CDK14: variants seen among roughly 807,000 people sequenced by gnomAD.
CDK14 encodes cyclin-dependent kinase 14.
A neutral mutation model predicts 60.7 loss-of-function variants in CDK14; 34 were observed. The observed-to-expected ratio is 0.56, with a 90% CI of 0.43 to 0.75. The LOEUF (loss-of-function observed/expected upper bound fraction) is 0.75. Among genes scored for constraint, CDK14 ranks in the 30% least tolerant of loss-of-function variants. The probability of loss-of-function intolerance (pLI) is 0.00; values close to 1 mark genes in which losing one functional copy is unlikely to be tolerated. For missense variants in CDK14, 482 were observed against 564.1 expected (o/e 0.85, Z 1.47); for synonymous variants, 197 against 203.7 (o/e 0.97, Z 0.28).
intron 10 of CDK14, among the ~76,000 whole-genome samples, chr7:91,003,881 G>A (rs144756042): frequency 6.4e-4 from 98 of 152,184 alleles, no homozygotes; most frequent in African/African-American, 2.2e-3. Context: ...TGCCCAGGGT[G>A]GTTATTTTAA....
intron 10 of CDK14, among the ~76,000 whole-genome samples, chr7:91,008,146 C>CAAAAAAAAA (rs1394465227): frequency 1.2e-5 from 1 of 84,122 alleles, no homozygotes; most frequent in Non-Finnish European, 2.7e-5. Context: ...AAAAAAAAAA[C>CAAAAAAAAA]AAACAAAAAA....
At chr7:90,656,355 A>G (rs1407117854) in intron 2 of CDK14, among the ~76,000 whole-genome samples, 1 of 150,728 alleles carries the variant, frequency 6.6e-6, no homozygotes, top group Non-Finnish European at 1.5e-5. Flanking sequence ...ATTAGAGTGG[A>G]CTGGTGCTTC....
intron 13 of CDK14, among the ~76,000 whole-genome samples, chr7:91,115,236 G>A (rs1441224205): frequency 6.6e-6 from 1 of 152,140 alleles, no homozygotes; most frequent in African/African-American, 2.4e-5. Flanking sequence ...ACCTTAGACT[G>A]GGTGGCTTAA....
At chr7:90,909,874 T>C (rs1262505064) in intron 7 of CDK14, among the ~76,000 whole-genome samples, 3 of 152,178 alleles carry the variant, frequency 2.0e-5, no homozygotes, top group Non-Finnish European at 4.4e-5. Flanking sequence ...TGACAAAGCA[T>C]GTTACTTATG....
chr7:90,883,128 A>T (rs1227388557), intron 6 of CDK14, among the ~76,000 whole-genome samples: 1 of 151,912 alleles, frequency 6.6e-6, no homozygotes, highest in Non-Finnish European at 1.5e-5. Flanking sequence ...CACATAAAAA[A>T]AAAACTCCAA....
rs201681733 is a variant in CDK14, at chr7:91,008,142, A to AC, written c.1041+23901_1041+23902insC. On this transcript the variant is annotated intron_variant, in intron 10 of 14. Transcript: ENST00000380050. ...GGGAGAAGGCCAAAAAAAAAAAAAA[A>AC]AAACAAACAAAAAAAAACAGTGGAT... Among the ~76,000 whole-genome samples, 90 of 141,404 alleles carry AC rather than the reference A, an allele frequency of 6.4e-4. 1 individual carries two copies. The highest frequency in any genetic ancestry group is 2.0e-3 in the Admixed American group (28 of 13,980). The allele number at this position is 141,404 out of a possible 152,430, so 92.8% of individuals were successfully genotyped here. A position where few individuals can be genotyped will look rare whatever the true frequency, so the allele number is the denominator to read the frequency against.
intron 1 of CDK14, among the ~76,000 whole-genome samples, chr7:90,598,158 A>G (rs1405433312): frequency 1.3e-5 from 2 of 152,200 alleles, no homozygotes; most frequent in African/African-American, 4.8e-5. Context: ...TTAACTATAT[A>G]TTTACTAATG....
chr7:91,193,123 T>C (rs1359922165), intron 14 of CDK14, among the ~76,000 whole-genome samples: 1 of 152,226 alleles, frequency 6.6e-6, no homozygotes, highest in African/African-American at 2.4e-5. Flanking sequence ...TTCAAGCATT[T>C]AACTTTCTTG....
intron 14 of CDK14, among the ~76,000 whole-genome samples, chr7:91,158,916 T>C (rs1051143838): frequency 1.2e-4 from 19 of 152,194 alleles, no homozygotes; most frequent in Non-Finnish European, 2.8e-4. Context: ...ATTTCAATAA[T>C]GTGCTTTTAC....
intron 12 of CDK14, among the ~76,000 whole-genome samples, chr7:91,095,706 A>G (rs1036170197): frequency 3.9e-5 from 6 of 152,126 alleles, no homozygotes; most frequent in Non-Finnish European, 8.8e-5. Flanking sequence ...AATTCTCCCT[A>G]TGTTTCCTGG....
At chr7:90,750,870 C>G (rs1302797627) in intron 4 of CDK14, among the ~76,000 whole-genome samples, 1 of 149,742 alleles carries the variant, frequency 6.7e-6, no homozygotes, top group Non-Finnish European at 1.5e-5. Flanking sequence ...GAGACTGTCT[C>G]CAAAAAAAAA....
intron 3 of CDK14, among the ~76,000 whole-genome samples, chr7:90,738,817 T>C (rs1159811892): frequency 1.3e-5 from 2 of 152,156 alleles, no homozygotes; most frequent in Non-Finnish European, 2.9e-5. Context: ...TTAAATGTGA[T>C]GATTTAATAA....
At chr7:90,684,200 T>G (rs1349878757) in intron 2 of CDK14, among the ~76,000 whole-genome samples, 2 of 152,224 alleles carry the variant, frequency 1.3e-5, no homozygotes, top group African/African-American at 4.8e-5. Flanking sequence ...AGTTTAGAGT[T>G]ATTTATAGTT....
chr7:90,874,785 C>T (rs1407254664), intron 6 of CDK14, among the ~76,000 whole-genome samples: 1 of 151,668 alleles, frequency 6.6e-6, no homozygotes, highest in Non-Finnish European at 1.5e-5. Flanking sequence ...GCCTCGGCCT[C>T]CCAAAGTGCT....
intron 2 of CDK14, among the ~76,000 whole-genome samples, chr7:90,634,600 C>T (rs1178756547): frequency 6.6e-6 from 1 of 152,042 alleles, no homozygotes; most frequent in African/African-American, 2.4e-5. Flanking sequence ...CATACGTGTG[C>T]ATGTGTCTTT....
chr7:91,152,688 G>A (rs963065808), intron 14 of CDK14, among the ~76,000 whole-genome samples: 8 of 152,182 alleles, frequency 5.3e-5, no homozygotes, highest in African/African-American at 1.9e-4. Flanking sequence ...TGACAAATGA[G>A]CAAGAGAGAC....
chr7:90,646,768 G>C (rs182946104), intron 2 of CDK14, among the ~76,000 whole-genome samples: 105 of 152,222 alleles, frequency 6.9e-4, no homozygotes, highest in African/African-American at 2.5e-3. Flanking sequence ...GCTATTCATC[G>C]TATGGATGTA....
At chr7:91,168,580 CT>C (rs1352025145) in intron 14 of CDK14, among the ~76,000 whole-genome samples, 2 of 152,094 alleles carry the variant, frequency 1.3e-5, no homozygotes, top group Non-Finnish European at 2.9e-5. Context: ...ATGAATTTTT[CT>C]CTCTTAAAAA....
At chr7:90,746,055 G>A (rs1327988049) in intron 3 of CDK14, among the ~76,000 whole-genome samples, 1 of 152,132 alleles carries the variant, frequency 6.6e-6, no homozygotes, top group Non-Finnish European at 1.5e-5. Context: ...GGAGGACACT[G>A]CAGTCTCAAC....
Sources: allele counts gnomAD v4.1 joint callset (sites outside exome capture counted in the v4.1 genomes callset), GRCh38; gene constraint gnomAD v4.1.1; transcripts MANE v1.5; gene names NCBI Gene and HGNC (gene_info 2026-07-23, HGNC 2026-07-21).